FHIT: variants seen among roughly 807,000 people sequenced by gnomAD.
The protein encoded by FHIT is fragile histidine triad diadenosine triphosphatase.
FHIT carries 19 observed loss-of-function variants against 17.9 expected under a neutral mutation model. That is an observed-to-expected ratio of 1.06 (90% CI 0.74 to 1.56). The LOEUF (loss-of-function observed/expected upper bound fraction) is 1.56, where lower values mean the gene tolerates loss of function less well. FHIT is among the 40% of genes most tolerant of loss of function. The pLI, the probability that FHIT is intolerant of heterozygous loss-of-function variation, is 0.00. For missense variants in FHIT, 248 were observed against 189.2 expected, an observed-to-expected ratio of 1.31 and a Z score of -1.82; for synonymous variants, 81 against 69.7, an observed-to-expected ratio of 1.16 and a Z score of -0.81.
intron 5 of FHIT, among the ~76,000 whole-genome samples, chr3:60,090,466 G>A (rs1219338396): frequency 1.3e-5 from 2 of 152,162 alleles, no homozygotes; most frequent in Non-Finnish European, 1.5e-5. Flanking sequence ...GGATTATCAA[G>A]TGAGCTGGGA....
chr3:60,612,057 G>T (rs563199188), intron 4 of FHIT, among the ~76,000 whole-genome samples: 70 of 152,182 alleles, frequency 4.6e-4, no homozygotes, highest in Non-Finnish European at 8.7e-4. Context: ...CTCAATCACT[G>T]AACTGGCCCA....
rs112026762 is a variant in FHIT at position 60,337,012 on chromosome 3, G to A, written c.103+199848C>T. Among the ~76,000 whole-genome samples the A allele has an allele frequency of 3.2e-3, 487 of 152,044 alleles. 1 individual carries two copies. The highest frequency in any genetic ancestry group is 0.011 in the African/African-American group (451 of 41,486). On this transcript the variant is annotated intron_variant, in intron 5 of 9. Coordinates refer to ENST00000492590, the MANE Select transcript of FHIT (RefSeq NM_002012.4). ...AATTTCATTTATATATACTGGTTAC[G>A]TACTTGCCACGACCACACACAAACT...
chr3:60,070,897 G>C (rs2736818), intron 5 of FHIT, among the ~76,000 whole-genome samples: 50,737 of 152,116 alleles, frequency 0.33, 9,785 homozygotes, highest in African/African-American at 0.53. Context: ...GAGTGCTGGC[G>C]CCTAGGCAGG....
intron 5 of FHIT, among the ~76,000 whole-genome samples, chr3:60,338,203 CA>C (rs922219743): frequency 2.0e-5 from 3 of 152,078 alleles, no homozygotes; most frequent in Non-Finnish European, 4.4e-5. Context: ...CACCACATTC[CA>C]CTTTAAGACT....
chr3:60,298,941 C>A (rs1708330522), intron 5 of FHIT, among the ~76,000 whole-genome samples: 1 of 152,076 alleles, frequency 6.6e-6, no homozygotes, highest in Admixed American at 6.6e-5. Context: ...CAGATCATTA[C>A]CCTTTCTCAC....
At chr3:60,780,220 G>A (rs1553725421) in intron 4 of FHIT, among the ~76,000 whole-genome samples, 1 of 151,988 alleles carries the variant, frequency 6.6e-6, no homozygotes, top group Non-Finnish European at 1.5e-5. Context: ...CCTTTAAAAG[G>A]CACCTTCTTT....
intron 3 of FHIT, among the ~76,000 whole-genome samples, chr3:60,990,760 C>T (rs1384104308): frequency 1.3e-5 from 2 of 152,262 alleles, no homozygotes; most frequent in Non-Finnish European, 2.9e-5. Context: ...CCCCTCCTGC[C>T]TTCATTTTAT....
At chr3:60,742,258 A>G (rs1553714060) in intron 4 of FHIT, among the ~76,000 whole-genome samples, 2 of 152,220 alleles carry the variant, frequency 1.3e-5, no homozygotes, top group Admixed American at 6.5e-5. Context: ...TTCACTTCCA[A>G]TAGTCCAGCT....
At chr3:60,210,401 T>C (rs1703393510) in intron 5 of FHIT, among the ~76,000 whole-genome samples, 1 of 152,162 alleles carries the variant, frequency 6.6e-6, no homozygotes, top group South Asian at 2.1e-4. Flanking sequence ...GGGAAAACTT[T>C]TCTAACAATT....
intron 5 of FHIT, among the ~76,000 whole-genome samples, chr3:60,254,969 C>A (rs1467362751): frequency 2.0e-5 from 3 of 152,088 alleles, no homozygotes; most frequent in African/African-American, 2.4e-5. Flanking sequence ...AAATCATGTT[C>A]TTGACATATT....
chr3:60,161,484 A>G (rs1442085540), intron 5 of FHIT, among the ~76,000 whole-genome samples: 2 of 152,202 alleles, frequency 1.3e-5, no homozygotes, highest in South Asian at 2.1e-4. Context: ...TCTACCCTTA[A>G]GGCCTGAGCT....
chr3:61,151,481 C>T (rs984819211), intron 2 of FHIT, among the ~76,000 whole-genome samples: 4 of 151,902 alleles, frequency 2.6e-5, no homozygotes, highest in East Asian at 1.9e-4. Flanking sequence ...AATATGTATC[C>T]AAAGGTTAGC....
chr3:60,770,098 G>A (rs1359018916), intron 4 of FHIT, among the ~76,000 whole-genome samples: 2 of 152,156 alleles, frequency 1.3e-5, no homozygotes, highest in East Asian at 1.9e-4. Context: ...AAATCCTCTG[G>A]AGTATTCCTG....
Position 59,911,812 on chromosome 3 carries a change from G to C in FHIT, c.348+10534C>G, listed in dbSNP as rs1704892089. 2.0e-5 allele frequency among the ~76,000 whole-genome samples: 3 copies of C among 152,194 alleles called. No homozygotes were observed. In the South Asian group the frequency reaches 6.2e-4, roughly 32 times the overall value. On this transcript the variant is annotated intron_variant, in intron 8 of 9. Coordinates refer to ENST00000492590, the MANE Select transcript of FHIT (RefSeq NM_002012.4). ...AAAGCCACGGACCTGAGGATTCGGA[G>C]AACCAGGCTTTGAATGCAGGGGGCT...
At chr3:60,550,165 C>A (rs2036498233) in intron 4 of FHIT, among the ~76,000 whole-genome samples, 1 of 152,172 alleles carries the variant, frequency 6.6e-6, no homozygotes, top group Non-Finnish European at 1.5e-5. Context: ...AGGAACAACA[C>A]AATCTGATCT....
chr3:61,219,006 C>T (rs956635392), intron 1 of FHIT, among the ~76,000 whole-genome samples: 4 of 152,126 alleles, frequency 2.6e-5, no homozygotes, highest in East Asian at 1.9e-4. Context: ...TGTACTTACA[C>T]AAACCTAGAA....
At chr3:60,912,366 T>C (rs1251312122) in intron 3 of FHIT, among the ~76,000 whole-genome samples, 2 of 152,124 alleles carry the variant, frequency 1.3e-5, no homozygotes, top group Non-Finnish European at 2.9e-5. Flanking sequence ...ACCTGGTAAC[T>C]GAACCTCCCT....
intron 5 of FHIT, among the ~76,000 whole-genome samples, chr3:60,270,958 A>G (rs977619909): frequency 5.3e-5 from 8 of 152,208 alleles, no homozygotes; most frequent in African/African-American, 1.7e-4. Flanking sequence ...CTCAAACTAG[A>G]TAAACCGAAA....
intron 5 of FHIT, among the ~76,000 whole-genome samples, chr3:60,452,115 T>C (rs2107372973): frequency 6.6e-6 from 1 of 152,272 alleles, no homozygotes; most frequent in African/African-American, 2.4e-5. Context: ...TGCCCAAATC[T>C]TGGGAGGAGA....
Sources: allele counts gnomAD v4.1 joint callset (sites outside exome capture counted in the v4.1 genomes callset), GRCh38; gene constraint gnomAD v4.1.1; transcripts MANE v1.5; gene names NCBI Gene and HGNC (gene_info 2026-07-23, HGNC 2026-07-21).